NTN1: variants seen among roughly 807,000 people sequenced by gnomAD.
The protein encoded by NTN1 is netrin 1.
A neutral mutation model predicts 54.2 loss-of-function variants in NTN1; 11 were observed. The observed-to-expected ratio is 0.20, with a 90% confidence interval of 0.13 to 0.34. NTN1 has a LOEUF of 0.34. Among genes scored for constraint, NTN1 ranks in the 10% least tolerant of loss-of-function variants. The pLI is 1.00. For missense variants in NTN1, 740 were observed against 893.1 expected (o/e 0.83, Z 2.18); for synonymous variants, 371 against 382.0 (o/e 0.97, Z 0.33).
chr17:9,023,483 T>G, intron 2 of NTN1, 92 bp downstream of exon 2: 1 of 1,294,842 alleles, frequency 7.7e-7, no homozygotes, highest in African/African-American at 1.6e-5. Flanking sequence ...GGAGCGCGGG[T>G]CGAGGGAACG....
chr17:9,190,587 C>G (rs1310400560), intron 5 of NTN1, among the ~76,000 whole-genome samples: 1 of 152,212 alleles, frequency 6.6e-6, no homozygotes, highest in African/African-American at 2.4e-5. Flanking sequence ...TGCAGTGGCT[C>G]ACGCCTATAA....
At chr17:9,117,960 A>T (rs936782653) in intron 2 of NTN1, among the ~76,000 whole-genome samples, 1 of 152,044 alleles carries the variant, frequency 6.6e-6, no homozygotes, top group Non-Finnish European at 1.5e-5. Context: ...CAGGTGCCCT[A>T]TCTCAGGGCT....
chr17:9,203,999 T>A (rs1597536514), intron 5 of NTN1, among the ~76,000 whole-genome samples: 1 of 152,142 alleles, frequency 6.6e-6, no homozygotes, highest in East Asian at 1.9e-4. Context: ...ATGGAAGGCT[T>A]GTGCTGGGCT....
At chr17:9,216,274 T>C (rs1159164646) in intron 5 of NTN1, among the ~76,000 whole-genome samples, 1 of 152,242 alleles carries the variant, frequency 6.6e-6, no homozygotes, top group Admixed American at 6.5e-5. Flanking sequence ...GGGATTTTAA[T>C]TGTGCTACAG....
upstream of NTN1, among the ~76,000 whole-genome samples, chr17:9,020,270 C>G (rs919357010): frequency 4.6e-5 from 7 of 152,260 alleles, no homozygotes; most frequent in Non-Finnish European, 1.0e-4. Context: ...CTGGACCACA[C>G]ATCTACAAGT....
upstream of NTN1, among the ~76,000 whole-genome samples, chr17:9,019,105 G>A (rs887984819): frequency 5.9e-5 from 9 of 152,172 alleles, no homozygotes; most frequent in African/African-American, 9.7e-5. Context: ...ACTCAGAAGA[G>A]GTGTAGAGGT....
chr17:9,083,548 G>T (rs906357973), intron 2 of NTN1, among the ~76,000 whole-genome samples: 5 of 152,256 alleles, frequency 3.3e-5, no homozygotes, highest in African/African-American at 1.2e-4. Flanking sequence ...GACATTGGCT[G>T]AAGGCTTTTG....
In NTN1 at chr17:9,149,068, C is replaced by T. The variant is rs149426111; in HGVS notation, c.1019-13745C>T. On this transcript the variant is annotated intron_variant, in intron 2 of 6. Transcript: ENST00000173229. ...AGCCTCTCCCACTGCCCTGGAGTCC[C>T]GCCTTGAATCTCCAGCCTGGCAAGT... Among the ~76,000 whole-genome samples the T allele has an allele frequency of 5.7e-3, 863 of 152,166 alleles. 8 individuals carry two copies. Among genetic ancestry groups the T allele is most frequent in the African/African-American group, 0.019 (807 of 41,502 alleles).
intron 5 of NTN1, chr17:9,183,398 G>A (rs1445583507): frequency 2.2e-6 from 1 of 450,142 alleles, no homozygotes; most frequent in African/African-American, 2.0e-5. Context: ...AGCTGGGCGT[G>A]GGGGAGAATC....
intron 2 of NTN1, among the ~76,000 whole-genome samples, chr17:9,132,895 C>G (rs181869053): frequency 7.2e-5 from 11 of 152,176 alleles, no homozygotes; most frequent in African/African-American, 2.2e-4. Flanking sequence ...AAGAATGACA[C>G]GTCCACACTG....
chr17:9,112,313 C>A (rs1056997244), intron 2 of NTN1, among the ~76,000 whole-genome samples: 65 of 152,170 alleles, frequency 4.3e-4, no homozygotes, highest in Non-Finnish European at 8.8e-5. Context: ...AATACTATTC[C>A]TTTCCTTCAC....
intron 6 of NTN1, among the ~76,000 whole-genome samples, chr17:9,223,314 G>A (rs186666635): frequency 1.3e-5 from 2 of 152,340 alleles, no homozygotes; most frequent in East Asian, 3.9e-4. Context: ...CACTTTGGGA[G>A]GCCAAGGTGG....
rs2092371810 is a variant in NTN1, at chr17:9,165,946, TGAA to T, written c.1207+2949_1207+2951del. Among the ~76,000 whole-genome samples, 1 of 152,132 alleles carries T rather than the reference TGAA, an allele frequency of 6.6e-6. No individual in the cohort carries two copies. Among genetic ancestry groups the T allele is most frequent in the African/African-American group, 2.4e-5 (1 of 41,422 alleles). On this transcript the variant is annotated intron_variant, in intron 3 of 6. Coordinates refer to ENST00000173229, the MANE Select transcript of NTN1 (RefSeq NM_004822.3). The surrounding 1 kb of genome is among the most constrained non-coding windows in gnomAD (Gnocchi z 4.5). ...CCAAGAAGTCCAGCCATCTGATTGGTGAAGAAAGACATCTCTGGAAAGTCCAGA... is the reference window on the plus strand; with the variant it reads ...CCAAGAAGTCCAGCCATCTGATTGGTGAAAGACATCTCTGGAAAGTCCAGA...
intron 5 of NTN1, among the ~76,000 whole-genome samples, chr17:9,195,790 A>G (rs1904618090): frequency 6.6e-6 from 1 of 152,160 alleles, no homozygotes; most frequent in Non-Finnish European, 1.5e-5. Context: ...TGGGGTGAGG[A>G]AAGCCCCCCT....
chr17:9,091,305 G>A (rs2092109685), intron 2 of NTN1, among the ~76,000 whole-genome samples: 1 of 152,110 alleles, frequency 6.6e-6, no homozygotes, highest in South Asian at 2.1e-4. Flanking sequence ...CCAGACTGGA[G>A]TGTAGTGGTA....
chr17:9,008,504 G>A, the NTN1 span, among the ~76,000 whole-genome samples: 1 of 151,918 alleles, frequency 6.6e-6, no homozygotes, highest in African/African-American at 2.4e-5. Context: ...TGTATTTTCA[G>A]TAGAGACAGG....
chr17:9,051,476 C>T (rs1424012178), intron 2 of NTN1, among the ~76,000 whole-genome samples: 1 of 152,208 alleles, frequency 6.6e-6, no homozygotes, highest in Non-Finnish European at 1.5e-5. Flanking sequence ...TCAATTCCAA[C>T]CCCTCTCCAC....
chr17:9,155,902 A>G (rs1448520613), intron 2 of NTN1, among the ~76,000 whole-genome samples: 1 of 152,106 alleles, frequency 6.6e-6, no homozygotes, highest in African/African-American at 2.4e-5. Flanking sequence ...ATAACCAAAA[A>G]TGTCTGTAGA....
At chr17:9,015,499 T>A in the NTN1 span, among the ~76,000 whole-genome samples, 2 of 152,090 alleles carry the variant, frequency 1.3e-5, no homozygotes, top group Admixed American at 1.3e-4. Flanking sequence ...CCACCCCTTT[T>A]CTCCTAAGCC....
Sources: gnomAD v4.1 joint callset for allele counts (sites outside exome capture counted in the v4.1 genomes callset) on GRCh38, gnomAD v4.1.1 for gene constraint, Gnocchi (gnomAD v3.1) non-coding constraint, MANE v1.5 for transcripts, NCBI Gene and HGNC (gene_info 2026-07-23, HGNC 2026-07-21) for gene names.